Variants in GLYATL2 observed in about 807,000 individuals in gnomAD.
GLYATL2 encodes the protein glycine-N-acyltransferase like 2.
Under a neutral mutation model 21.4 loss-of-function variants are expected in GLYATL2, and 25 were observed. The observed-to-expected ratio is 1.17, with a 90% CI of 0.85 to 1.63. The LOEUF is 1.63. GLYATL2 is among the 40% of genes most tolerant of loss of function. GLYATL2 has a pLI of 0.00. For missense variants in GLYATL2, 361 were observed against 343.3 expected, an observed-to-expected ratio of 1.05 and a Z score of -0.41; for synonymous variants, 114 against 118.2, an observed-to-expected ratio of 0.96 and a Z score of 0.23.
chr11:58,879,248 A>T (rs923288653), intron 1 of GLYATL2, among the ~76,000 whole-genome samples: 2 of 152,252 alleles, frequency 1.3e-5, no homozygotes, highest in Non-Finnish European at 2.9e-5. Context: ...TAAAATAAGA[A>T]ATAAATCACA....
intron 1 of GLYATL2, among the ~76,000 whole-genome samples, chr11:58,898,013 TATTA>T (rs1854663787): frequency 6.6e-6 from 1 of 152,240 alleles, no homozygotes; most frequent in African/African-American, 2.4e-5. Flanking sequence ...TATGGAGTCT[TATTA>T]ATTCACTTAT....
intron 1 of GLYATL2, among the ~76,000 whole-genome samples, chr11:58,859,620 T>C (rs1853896328): frequency 6.6e-6 from 1 of 152,224 alleles, no homozygotes; most frequent in Non-Finnish European, 1.5e-5. Flanking sequence ...TATTCTAGTT[T>C]GATGTAATCC....
At chr11:58,872,966 A>G (rs1291030328) in intron 1 of GLYATL2, among the ~76,000 whole-genome samples, 3 of 152,128 alleles carry the variant, frequency 2.0e-5, no homozygotes, top group Admixed American at 1.3e-4. Flanking sequence ...TTCCTTGAGC[A>G]GTGGTTTGTA....
intron 1 of GLYATL2, among the ~76,000 whole-genome samples, chr11:58,901,257 A>G (rs939478547): frequency 6.6e-6 from 1 of 152,206 alleles, no homozygotes; most frequent in Non-Finnish European, 1.5e-5. Context: ...AGTCCAACCA[A>G]AGGTATCAAA....
intron 1 of GLYATL2, among the ~76,000 whole-genome samples, chr11:58,900,221 G>A (rs1478002227): frequency 6.6e-6 from 1 of 152,140 alleles, no homozygotes; most frequent in East Asian, 1.9e-4. Flanking sequence ...GCAGTGATTC[G>A]CAGGACATGC....
At chr11:58,853,707 T>A (rs925477722) in intron 1 of GLYATL2, among the ~76,000 whole-genome samples, 2 of 152,204 alleles carry the variant, frequency 1.3e-5, no homozygotes, top group African/African-American at 4.8e-5. Flanking sequence ...CAAATGAAAA[T>A]TGTATATATT....
intron 1 of GLYATL2, among the ~76,000 whole-genome samples, chr11:58,886,159 T>A (rs1014405422): frequency 2.6e-5 from 4 of 152,092 alleles, no homozygotes; most frequent in African/African-American, 9.7e-5. Context: ...CGAGGTTGCA[T>A]TGAGCCAAGA....
rs1393115880 is a variant in GLYATL2 at position 58,837,079 on chromosome 11, G to A, written c.412C>T (p.Pro138Ser). ...TTACTTGAGGTCTTGTGTTTCTTTG[G>A]TAATTCCGGTATAAAGAGGATGGTT... ...MKTILFIPEL[P>S]KKHKTSSNDK... Residue 138 changes from proline (P) to serine (S), a missense_variant, in exon 5 of 6, where the codon CCA (proline) becomes TCA (serine). Transcript: ENST00000287275. 1 of 1,613,700 alleles carries A rather than the reference G, an allele frequency of 6.2e-7. No homozygotes were observed. The highest frequency in any genetic ancestry group is 1.1e-5 in the South Asian group (1 of 91,056).
intron 1 of GLYATL2, among the ~76,000 whole-genome samples, chr11:58,843,784 G>T (rs1272531167): frequency 2.0e-5 from 3 of 152,172 alleles, no homozygotes; most frequent in Non-Finnish European, 4.4e-5. Context: ...AGGTTAAGAT[G>T]TCAGAGGCAC....
chr11:58,877,096 G>A (rs1353725805), intron 1 of GLYATL2, among the ~76,000 whole-genome samples: 2 of 152,254 alleles, frequency 1.3e-5, no homozygotes, highest in South Asian at 2.1e-4. Flanking sequence ...CCTTGTGCAG[G>A]ATATAATCTC....
upstream of GLYATL2, among the ~76,000 whole-genome samples, chr11:58,846,421 A>T (rs1243810006): frequency 1.3e-5 from 2 of 152,188 alleles, no homozygotes; most frequent in Non-Finnish European, 2.9e-5. Context: ...TCCCTGAAAG[A>T]GGCACTGAAG....
At chr11:58,905,248 T>C (rs1269372153), upstream of GLYATL2, 3 of 356,076 alleles carry the variant, frequency 8.4e-6, no homozygotes, top group African/African-American at 6.4e-5. Context: ...CTCCACGAAG[T>C]TGGATCATTT....
intron 1 of GLYATL2, among the ~76,000 whole-genome samples, chr11:58,857,826 T>C (rs1853856123): frequency 6.8e-6 from 1 of 146,900 alleles, no homozygotes; most frequent in Non-Finnish European, 1.5e-5. Context: ...CCAAGATCCC[T>C]TTCTCACTGT....
upstream of GLYATL2, among the ~76,000 whole-genome samples, chr11:58,848,297 G>A (rs1425650943): frequency 1.3e-5 from 2 of 152,120 alleles, no homozygotes; most frequent in Non-Finnish European, 2.9e-5. Flanking sequence ...AGACACTGAA[G>A]AACATCTACT....
chr11:58,894,693 G>T (rs1040132132), intron 1 of GLYATL2, among the ~76,000 whole-genome samples: 4 of 151,766 alleles, frequency 2.6e-5, no homozygotes, highest in African/African-American at 9.7e-5. Context: ...AATTGTGTAG[G>T]TCATGGAGCT....
At chr11:58,835,191 A>G (rs1853407835) in intron 5 of GLYATL2, among the ~76,000 whole-genome samples, 1 of 152,218 alleles carries the variant, frequency 6.6e-6, no homozygotes, top group Admixed American at 6.5e-5. Context: ...TGAAAGATGC[A>G]TGTATGAAAC....
rs1333730461 is a variant in GLYATL2, at chr11:58,839,732, A to G, written c.-40-80T>C. On this transcript the variant is annotated intron_variant, in intron 1 of 5. Transcript: ENST00000287275. ...GAAAGAAGAGGAAGGAGAAGTCACC[A>G]GGGACATCATACACTATTAGCAGTG... The G allele has an allele frequency of 7.8e-6, 5 of 644,546 alleles. No homozygotes were observed. The Admixed American group carries it at 1.1e-4, about 14-fold the overall frequency. The allele number at this position is 644,546 out of a possible 1,614,324, so 39.9% of individuals were successfully genotyped here. A position where few individuals can be genotyped will look rare whatever the true frequency, so the allele number is the denominator to read the frequency against.
chr11:58,841,501 T>C (rs1433335801), intron 1 of GLYATL2, among the ~76,000 whole-genome samples: 2 of 152,182 alleles, frequency 1.3e-5, no homozygotes, highest in African/African-American at 2.4e-5. Context: ...ATATACAAGG[T>C]TCTGAAGGAC....
chr11:58,874,957 A>T (rs1854198943), intron 1 of GLYATL2, among the ~76,000 whole-genome samples: 1 of 152,200 alleles, frequency 6.6e-6, no homozygotes, highest in Non-Finnish European at 1.5e-5. Flanking sequence ...GACTTGCTTT[A>T]TGAATCTGGG....
Sources: allele counts gnomAD v4.1 joint callset (sites outside exome capture counted in the v4.1 genomes callset), GRCh38; gene constraint gnomAD v4.1.1; transcripts MANE v1.5; gene names NCBI Gene and HGNC (gene_info 2026-07-23, HGNC 2026-07-21).